The following STAMBP variants were observed in gnomAD, a reference collection of about 807,000 sequenced individuals.
STAMBP encodes the protein STAM-binding protein.
STAMBP carries 31 observed loss-of-function variants against 50.7 expected under a neutral mutation model. The ratio of observed to expected loss-of-function variants is 0.61; its 90% CI spans 0.46 to 0.83. The LOEUF is 0.83. Among genes scored for constraint, STAMBP ranks in the 40% least tolerant of loss-of-function variants. STAMBP has a pLI of 0.00. For synonymous variants in STAMBP, 211 were observed against 192.4 expected (o/e 1.10, Z -0.80); for missense variants, 472 against 518.9 (o/e 0.91, Z 0.88).
chr2:73,845,150 T>C lies in STAMBP; in HGVS notation c.280-17T>C. 6.2e-7 allele frequency: 1 copy of C among 1,611,728 alleles called. No homozygotes were observed. Among genetic ancestry groups the C allele is most frequent in the Non-Finnish European group, 8.5e-7 (1 of 1,178,596 alleles). On this transcript the variant is annotated splice_polypyrimidine_tract_variant and intron_variant, in intron 3 of 9. Transcript: ENST00000394070. ...TTCTGGCATTGTTCTAATTCTATTT[T>C]CTGTTTTGTGTCTCAGAAATTAAAG...
chr2:73,862,140 A>T (rs1678403776), intron 9 of STAMBP, 63 bp from the exon 10 acceptor site: 4 of 302,750 alleles, frequency 1.3e-5, no homozygotes, highest in Non-Finnish European at 2.0e-5. Flanking sequence ...CTATATGAAG[A>T]AAAAAAAAAA....
rs768191856 is a variant in STAMBP, at chr2:73,830,811, A to G, written c.-12-34A>G. On this transcript the variant is annotated intron_variant, in intron 1 of 9. Transcript: ENST00000394070. ...TAAAACTGCTGGGATGATGAGGGCA[A>G]CGGTATTGATGCCATCTGTTTTTTC... 5.2e-6 allele frequency: 8 copies of G among 1,533,822 alleles called. No homozygotes were observed. The East Asian group carries it at 6.8e-5, about 13-fold the overall frequency.
rs781744909 is a variant in STAMBP, at chr2:73,844,803, G to C, written c.204-10G>C. 4.8e-5 allele frequency: 77 copies of C among 1,611,346 alleles called. No individual in the cohort carries two copies. The highest frequency in any genetic ancestry group is 6.3e-5 in the Non-Finnish European group (74 of 1,177,932). ...ATTTGCTTCATAATCATTTTGAACT[G>C]TTTCCTTAGGCTCTTTATTGAGAAA... On this transcript the variant is annotated splice_polypyrimidine_tract_variant and intron_variant, in intron 2 of 9. Coordinates refer to ENST00000394070, the MANE Select transcript of STAMBP (RefSeq NM_213622.4).
intron 2 of STAMBP, among the ~76,000 whole-genome samples, chr2:73,841,384 A>G (rs557808905): frequency 6.6e-6 from 1 of 152,184 alleles, no homozygotes; most frequent in African/African-American, 2.4e-5. Flanking sequence ...GTTAAAAAAA[A>G]TCATAGAAAC....
intron 2 of STAMBP, among the ~76,000 whole-genome samples, chr2:73,841,273 T>C (rs1675354449): frequency 6.6e-6 from 1 of 152,218 alleles, no homozygotes; most frequent in African/African-American, 2.4e-5. Context: ...AACCATGTAA[T>C]GGAGTCTAGT....
intron 4 of STAMBP, 74 bp from the exon 5 acceptor site, chr2:73,847,313 T>C (rs112146945): frequency 2.0e-6 from 3 of 1,515,604 alleles, no homozygotes; most frequent in African/African-American, 2.8e-5. Flanking sequence ...ATCTCCATGC[T>C]AAAAAGCCTT....
chr2:73,852,853 G>GTGTGTGTC (rs1256376410), intron 7 of STAMBP, among the ~76,000 whole-genome samples: 1 of 138,944 alleles, frequency 7.2e-6, no homozygotes, highest in African/African-American at 3.3e-5. Context: ...AATTGTGTGT[G>GTGTGTGTC]TGTGTGTGTG....
In STAMBP at chr2:73,845,226, A is replaced by G. The variant is rs1243200071; in HGVS notation, c.339A>G (p.Arg113=). 6.2e-7 allele frequency: 1 copy of G among 1,613,962 alleles called. No homozygotes were observed. The stretch of plus-strand genomic sequence containing the variant: ...AGCTGAAGGCAGAGCTGTTAAAACG[A>G]TATACCAAAGAATATACAGAATATA... ...AEELKAELLK[R]YTKEYTEYNE... is the part of the protein sequence containing the mutation. Residue 113 remains arginine (R), a synonymous_variant, in exon 4 of 10, where the codon CGA becomes CGG. Transcript: ENST00000394070.
chr2:73,834,483 T>G (rs1265615936), intron 2 of STAMBP, among the ~76,000 whole-genome samples: 1 of 151,764 alleles, frequency 6.6e-6, no homozygotes, highest in East Asian at 1.9e-4. Context: ...TACTATTTGT[T>G]AAGTGGAAGT....
chr2:73,872,391 G>A (rs576488089), intron 10 of STAMBP, among the ~76,000 whole-genome samples: 12 of 152,178 alleles, frequency 7.9e-5, no homozygotes, highest in Non-Finnish European at 1.6e-4. Context: ...TGGACGATGG[G>A]GTAGTGACCT....
At chr2:73,869,657 A>G (rs964449153), downstream of STAMBP, among the ~76,000 whole-genome samples, 3 of 152,214 alleles carry the variant, frequency 2.0e-5, no homozygotes, top group Non-Finnish European at 2.9e-5. Flanking sequence ...GCACACCAAC[A>G]TGGCACATGT....
chr2:73,867,316 G>T (rs900941564), downstream of STAMBP: 1 of 152,206 alleles, frequency 6.6e-6, no homozygotes, highest in Non-Finnish European at 1.5e-5. Flanking sequence ...AGGCCAAGGC[G>T]GGTGGATCAC....
intron 7 of STAMBP, among the ~76,000 whole-genome samples, chr2:73,854,585 C>G (rs1245655800): frequency 6.6e-6 from 1 of 152,178 alleles, no homozygotes; most frequent in East Asian, 1.9e-4. Flanking sequence ...AAGTGATCCT[C>G]CTGCCTCAGC....
In STAMBP at chr2:73,829,331, A is replaced by G. The variant is rs1344899182; in HGVS notation, c.-192A>G. 1 of 152,360 alleles carries G rather than the reference A, an allele frequency of 6.6e-6. No homozygotes were observed. Among genetic ancestry groups the G allele is most frequent in the African/African-American group, 2.4e-5 (1 of 41,444 alleles). The allele number at this position is 152,360 out of a possible 1,614,324, so 9.4% of individuals were successfully genotyped here. A position where few individuals can be genotyped will look rare whatever the true frequency, so the allele number is the denominator to read the frequency against. On this transcript the variant is annotated 5_prime_UTR_variant, in exon 1 of 10. Coordinates refer to ENST00000394070, the MANE Select transcript of STAMBP (RefSeq NM_213622.4). ...CCTACTGTATACGCCCCCTCCGCTC[A>G]TTCCTGCTACTTCCTTTCTCCTCCT...
chr2:73,858,129 C>T (rs918365347), intron 7 of STAMBP, among the ~76,000 whole-genome samples: 42 of 150,082 alleles, frequency 2.8e-4, no homozygotes, highest in Admixed American at 1.5e-3. Flanking sequence ...ACTACAGGCG[C>T]GTGCCACCAC....
At position 73,850,564 on chromosome 2, in the gene STAMBP, G is replaced by C; in HGVS notation, c.1005+51G>C. The C allele has an allele frequency of 1.3e-6, 2 of 1,562,052 alleles. No homozygotes were observed. Among genetic ancestry groups the C allele is most frequent in the South Asian group, 2.4e-5 (2 of 82,608 alleles). On this transcript the variant is annotated intron_variant, in intron 7 of 9. Coordinates refer to ENST00000394070, the MANE Select transcript of STAMBP (RefSeq NM_213622.4). This position sits in a 1 kb window ranked among gnomAD's most constrained non-coding sequence, Gnocchi z 4.3. ...GTTAGTCTCTGCCTCTCCCATGGTG[G>C]TATAAATACATGAGTGTTTCTTTGA...
Position 73,829,279 on chromosome 2 carries a change from C to T in STAMBP, c.-244C>T, listed in dbSNP as rs770979481. On this transcript the variant is annotated 5_prime_UTR_variant, in exon 1 of 10. Transcript: ENST00000394070. ...GTCTTGAGTGCCTTCAAGAAGGGTT[C>T]CTCAAGCAGTTGTCGATAGAGCCCT... 4 of 152,370 alleles carry T rather than the reference C, an allele frequency of 2.6e-5. No individual in the cohort carries two copies. Among genetic ancestry groups the T allele is most frequent in the African/African-American group, 7.2e-5 (3 of 41,454 alleles). 9.4% of individuals were successfully genotyped at this position (152,370 alleles called of 1,614,324 possible).
chr2:73,843,406 G>GTATATATATA lies in STAMBP; in HGVS notation c.204-1403_204-1394dup, dbSNP rs773798563. ...TGTTTTGTTATATATGTTTGTGTAT[G>GTATATATATA]TATATATATATATGTATATATATAT... On this transcript the variant is annotated intron_variant, in intron 2 of 9. Transcript: ENST00000394070. 4.9e-3 allele frequency among the ~76,000 whole-genome samples: 631 copies of GTATATATATA among 129,838 alleles called. 12 individuals are homozygous for GTATATATATA. Among genetic ancestry groups the GTATATATATA allele is most frequent in the African/African-American group, 0.018 (543 of 29,900 alleles). The allele number at this position is 129,838 out of a possible 152,430, so 85.2% of individuals were successfully genotyped here.
intron 2 of STAMBP, among the ~76,000 whole-genome samples, chr2:73,837,847 G>A (rs1430680871): frequency 1.3e-5 from 2 of 152,140 alleles, no homozygotes; most frequent in East Asian, 3.9e-4. Context: ...CTAGGACTGA[G>A]CCCTGAGGTT....
Sources: gnomAD v4.1 joint callset for allele counts (sites outside exome capture counted in the v4.1 genomes callset) on GRCh38, gnomAD v4.1.1 for gene constraint, Gnocchi (gnomAD v3.1) non-coding constraint, MANE v1.5 for transcripts, NCBI Gene and HGNC (gene_info 2026-07-23, HGNC 2026-07-21) for gene names.